Variants in ADAMTS12 observed in about 807,000 individuals in gnomAD.
ADAMTS12 encodes the protein ADAM metallopeptidase with thrombospondin type 1 motif 12, also known as A disintegrin and metalloproteinase with thrombospondin motifs 12.
ADAMTS12 carries 118 observed loss-of-function variants against 167.8 expected under a neutral mutation model. The observed-to-expected ratio is 0.70, with a 90% confidence interval of 0.61 to 0.82. The LOEUF is 0.82. Among genes scored for constraint, ADAMTS12 ranks in the 40% least tolerant of loss-of-function variants. The probability of loss-of-function intolerance (pLI) is 0.00; values close to 1 mark genes in which losing one functional copy is unlikely to be tolerated. For missense variants in ADAMTS12, 1,916 were observed against 1,998.8 expected (o/e 0.96, Z 0.79); for synonymous variants, 704 against 716.9 (o/e 0.98, Z 0.29).
intron 3 of ADAMTS12, among the ~76,000 whole-genome samples, chr5:33,686,429 T>G (rs1742326737): frequency 6.6e-6 from 1 of 152,094 alleles, no homozygotes; most frequent in African/African-American, 2.4e-5. Flanking sequence ...AAAAAAGAAG[T>G]AGTTTCTCTG....
chr5:33,631,815 T>G (rs1317571661), intron 12 of ADAMTS12, among the ~76,000 whole-genome samples: 1 of 152,140 alleles, frequency 6.6e-6, no homozygotes, highest in East Asian at 1.9e-4. Flanking sequence ...TTGGCAGGGA[T>G]TTTGGGGTCT....
chr5:33,803,478 A>C (rs114263909), intron 2 of ADAMTS12, among the ~76,000 whole-genome samples: 2,293 of 152,324 alleles, frequency 0.015, 58 homozygotes, highest in African/African-American at 0.052. Flanking sequence ...TTGATTCCTT[A>C]GGATGCCACC....
intron 16 of ADAMTS12, among the ~76,000 whole-genome samples, chr5:33,599,102 G>A (rs1248720041): frequency 6.6e-6 from 1 of 152,172 alleles, no homozygotes; most frequent in Non-Finnish European, 1.5e-5. Context: ...CTAGCCCCCA[G>A]GCATTTGAGT....
chr5:33,711,922 T>A (rs1003882218), intron 3 of ADAMTS12, among the ~76,000 whole-genome samples: 1 of 152,176 alleles, frequency 6.6e-6, no homozygotes, highest in African/African-American at 2.4e-5. Flanking sequence ...ATTTTAAGAA[T>A]AGTATTTCCA....
At chr5:33,705,542 G>C (rs1743165762) in intron 3 of ADAMTS12, among the ~76,000 whole-genome samples, 1 of 152,122 alleles carries the variant, frequency 6.6e-6, no homozygotes, top group Non-Finnish European at 1.5e-5. Flanking sequence ...GCCAGGCACG[G>C]TGGCTCAAGC....
chr5:33,659,720 A>T (rs6862337), intron 6 of ADAMTS12, among the ~76,000 whole-genome samples: 76,175 of 152,114 alleles, frequency 0.5, 20,669 homozygotes, highest in East Asian at 0.63. Flanking sequence ...AGCAGCCACT[A>T]GCTGCACATG....
At chr5:33,560,517 A>T (rs1162767982) in intron 20 of ADAMTS12, among the ~76,000 whole-genome samples, 2 of 152,168 alleles carry the variant, frequency 1.3e-5, no homozygotes, top group Non-Finnish European at 2.9e-5. Flanking sequence ...ACTTGGAACC[A>T]ACCCAAATGT....
chr5:33,881,894 A>G (rs1750463000), intron 1 of ADAMTS12, among the ~76,000 whole-genome samples: 1 of 151,962 alleles, frequency 6.6e-6, no homozygotes, highest in South Asian at 2.1e-4. Flanking sequence ...TAATTACAAA[A>G]TCCCACTGTT....
chr5:33,762,349 A>C (rs1745388208), intron 2 of ADAMTS12, among the ~76,000 whole-genome samples: 1 of 151,756 alleles, frequency 6.6e-6, no homozygotes, highest in Non-Finnish European at 1.5e-5. Context: ...TCTACTAAAA[A>C]TACAAAAAGT....
chr5:33,666,196 A>T (rs1741458398), intron 5 of ADAMTS12, among the ~76,000 whole-genome samples: 1 of 152,184 alleles, frequency 6.6e-6, no homozygotes, highest in Non-Finnish European at 1.5e-5. Context: ...CAAGAACTGG[A>T]CACCCTCCAC....
At chr5:33,719,682 A>G (rs1743741819) in intron 3 of ADAMTS12, among the ~76,000 whole-genome samples, 1 of 152,206 alleles carries the variant, frequency 6.6e-6, no homozygotes, top group Non-Finnish European at 1.5e-5. Flanking sequence ...TATCCATAGG[A>G]CAACTCAACT....
intron 2 of ADAMTS12, 111 bp downstream of exon 2, chr5:33,881,008 G>A: frequency 6.8e-7 from 1 of 1,466,178 alleles, no homozygotes. Flanking sequence ...TCACATCACA[G>A]GGGTTCAACT....
intron 2 of ADAMTS12, among the ~76,000 whole-genome samples, chr5:33,835,333 A>G (rs1349198805): frequency 1.3e-5 from 2 of 152,234 alleles, no homozygotes; most frequent in African/African-American, 2.4e-5. Flanking sequence ...CTGAGAGTCC[A>G]TAGCACCAGG....
At chr5:33,611,238 C>T (rs969170374) in intron 16 of ADAMTS12, among the ~76,000 whole-genome samples, 4 of 151,910 alleles carry the variant, frequency 2.6e-5, no homozygotes, top group Non-Finnish European at 5.9e-5. Context: ...TAACCATATA[C>T]ATGAGAATAA....
intron 2 of ADAMTS12, among the ~76,000 whole-genome samples, chr5:33,856,093 G>C (rs1332966574): frequency 6.6e-6 from 1 of 152,150 alleles, no homozygotes; most frequent in Non-Finnish European, 1.5e-5. Flanking sequence ...TTCTTCACTG[G>C]AGATAGAAGC....
chr5:33,637,240 G>A (rs990035831), intron 12 of ADAMTS12, among the ~76,000 whole-genome samples: 13 of 152,132 alleles, frequency 8.5e-5, no homozygotes, highest in African/African-American at 3.1e-4. Context: ...CGAAATCACA[G>A]TCAGTTTCTC....
intron 3 of ADAMTS12, among the ~76,000 whole-genome samples, chr5:33,696,827 G>A (rs1402667951): frequency 6.6e-6 from 1 of 152,174 alleles, no homozygotes; most frequent in African/African-American, 2.4e-5. Context: ...TCACCTATGG[G>A]CCTCTGCCCA....
intron 3 of ADAMTS12, among the ~76,000 whole-genome samples, chr5:33,708,061 A>C (rs971810890): frequency 1.3e-5 from 2 of 152,214 alleles, no homozygotes; most frequent in Non-Finnish European, 2.9e-5. Flanking sequence ...ACAAAGGGCT[A>C]ATATCCAGAA....
intron 20 of ADAMTS12, among the ~76,000 whole-genome samples, chr5:33,559,192 C>A (rs370045125): frequency 2.0e-5 from 3 of 152,320 alleles, no homozygotes; most frequent in Admixed American, 2.0e-4. Context: ...CTTCCCTAAA[C>A]CTCTTGGGTA....
Sources: gnomAD v4.1 joint callset for allele counts (sites outside exome capture counted in the v4.1 genomes callset) on GRCh38, gnomAD v4.1.1 for gene constraint, MANE v1.5 for transcripts, NCBI Gene and HGNC (gene_info 2026-07-23, HGNC 2026-07-21) for gene names.